The following SERF2 variants were observed in gnomAD, a reference collection of about 807,000 sequenced individuals.
SERF2 encodes the protein small EDRK-rich factor 2.
In SERF2, 4 loss-of-function variants were observed where a neutral mutation model predicts 10.7. The ratio of observed to expected loss-of-function variants is 0.37; its 90% CI spans 0.18 to 0.86. The LOEUF (loss-of-function observed/expected upper bound fraction) is 0.86, where lower values mean the gene tolerates loss of function less well. Among genes scored for constraint, SERF2 ranks in the 40% least tolerant of loss-of-function variants. The pLI is 0.43. For missense variants in SERF2, 47 were observed against 79.1 expected, an observed-to-expected ratio of 0.59 and a Z score of 1.54; for synonymous variants, 26 against 26.0, an observed-to-expected ratio of 1.00 and a Z score of 0.01.
chr15:43,792,444 C>G lies in SERF2; in HGVS notation c.7+61C>G, dbSNP rs1258473292. The G allele has an allele frequency of 4.3e-6, 7 of 1,613,320 alleles. No individual in the cohort carries two copies. The African/African-American group carries it at 8.0e-5, about 18-fold the overall frequency. On this transcript the variant is annotated intron_variant, in intron 1 of 2. Transcript: ENST00000249786. ...TTCCGTTCACCCTAAACACCACCGG[C>G]GAGGCGCCGGCTTTGACCTTCCGTA... is the stretch of plus-strand genomic sequence containing the variant.
At chr15:43,778,670 C>T (rs1459913651) in intron 1 of SERF2, among the ~76,000 whole-genome samples, 2 of 142,600 alleles carry the variant, frequency 1.4e-5, no homozygotes, top group African/African-American at 5.2e-5. Flanking sequence ...GAGGCTGAGG[C>T]AGGTGGATTA....
At chr15:43,777,295 C>A in exon 1 of SERF2, 1 of 387,632 alleles carries the variant, frequency 2.6e-6, no homozygotes, top group Non-Finnish European at 5.2e-6. Context: ...GAAAGCTGAA[C>A]CTGCAACCCC....
At chr15:43,777,316 C>T (rs1358667011) in exon 1 of SERF2, 4 of 352,232 alleles carry the variant, frequency 1.1e-5, no homozygotes, top group African/African-American at 2.1e-5. Flanking sequence ...TTGAGGGTTT[C>T]AGCCGCAGAG....
At chr15:43,777,257 C>G in exon 1 of SERF2, 2 of 457,740 alleles carry the variant, frequency 4.4e-6, no homozygotes, top group South Asian at 1.6e-5. Flanking sequence ...CCCCAGCGAC[C>G]CTGAATTTGG....
intron 1 of SERF2, among the ~76,000 whole-genome samples, chr15:43,779,638 C>A (rs1251982849): frequency 6.6e-6 from 1 of 151,882 alleles, no homozygotes; most frequent in African/African-American, 2.4e-5. Flanking sequence ...ACTACAGGAG[C>A]GTGCCACCAT....
At chr15:43,786,830 G>A (rs76423988) in intron 2 of SERF2, among the ~76,000 whole-genome samples, 219 of 152,234 alleles carry the variant, frequency 1.4e-3, no homozygotes, top group African/African-American at 5.1e-3. Context: ...TGGGCTATGT[G>A]TTTCCTCATT....
At chr15:43,781,656 A>G (rs2086965562) in intron 1 of SERF2, among the ~76,000 whole-genome samples, 2 of 151,112 alleles carry the variant, frequency 1.3e-5, no homozygotes, top group African/African-American at 4.9e-5. Flanking sequence ...CAATGGTACA[A>G]TCCCGGCTCA....
At chr15:43,786,039 G>A (rs1448806354) in intron 2 of SERF2, among the ~76,000 whole-genome samples, 1 of 151,336 alleles carries the variant, frequency 6.6e-6, no homozygotes, top group East Asian at 1.9e-4. Flanking sequence ...GTTTTTTTGG[G>A]GTCTATTTTT....
upstream of SERF2, among the ~76,000 whole-genome samples, chr15:43,789,931 A>G (rs1177808082): frequency 6.6e-6 from 1 of 152,124 alleles, no homozygotes; most frequent in Non-Finnish European, 1.5e-5. Context: ...ACCTGAGGTC[A>G]GGAGTTTGAG....
chr15:43,793,655 T>G (rs1266601100), intron 2 of SERF2, 55 bp from the exon 3 acceptor site: 1 of 1,614,070 alleles, frequency 6.2e-7, no homozygotes, highest in Non-Finnish European at 8.5e-7. Flanking sequence ...TCCCCCTGCA[T>G]CTTGTCCTTT....
At chr15:43,792,922 C>T (rs959048913) in intron 1 of SERF2, 53 bp from the exon 2 acceptor site, 1 of 1,299,564 alleles carries the variant, frequency 7.7e-7, no homozygotes, top group Admixed American at 2.0e-5. Context: ...GAAGGGTCGC[C>T]GGTGTGTGGG....
intron 1 of SERF2, among the ~76,000 whole-genome samples, chr15:43,781,453 G>T (rs1223289726): frequency 6.6e-6 from 1 of 152,030 alleles, no homozygotes; most frequent in Non-Finnish European, 1.5e-5. Flanking sequence ...TCGGGAGGAG[G>T]AGACAGGAGA....
chr15:43,781,173 CA>C (rs1473321227), intron 1 of SERF2, among the ~76,000 whole-genome samples: 1 of 152,066 alleles, frequency 6.6e-6, no homozygotes. Flanking sequence ...ATACACTGGA[CA>C]AAGGAAGGAT....
chr15:43,787,539 G>A (rs1294712425), upstream of SERF2, among the ~76,000 whole-genome samples: 3 of 152,068 alleles, frequency 2.0e-5, no homozygotes, highest in Non-Finnish European at 4.4e-5. Flanking sequence ...CTGGGATTGC[G>A]GGCATGCGCC....
In SERF2 at chr15:43,793,935, AG is replaced by A. The variant is rs1437640598; in HGVS notation, c.*164del. 3 of 1,557,386 alleles carry A rather than the reference AG, an allele frequency of 1.9e-6. No individual in the cohort carries two copies. The Admixed American group carries it at 5.9e-5, about 30-fold the overall frequency. On this transcript the variant is annotated 3_prime_UTR_variant, in exon 3 of 3. Coordinates refer to ENST00000249786, the MANE Select transcript of SERF2 (RefSeq NM_001018108.4). Reference sequence around the variant, plus strand: ...GTCCCTTTTGTGCTTCCTTCCCCTCAGGTAGCCTCTCTCCCCCTGGGCCACT... The same window carrying A: ...GTCCCTTTTGTGCTTCCTTCCCCTCAGTAGCCTCTCTCCCCCTGGGCCACT...
chr15:43,795,344 T>C lies in SERF2; in HGVS notation c.*1571T>C, dbSNP rs2087184164. On this transcript the variant is annotated 3_prime_UTR_variant, in exon 3 of 3. Transcript: ENST00000249786. ...GCCTTGAATTGCTCTTTCCTTAAAA[T>C]AGCTAGCTCTTCAGGAGAGTATCTA... is the stretch of plus-strand genomic sequence containing the variant. 2 of 1,609,600 alleles carry C rather than the reference T, an allele frequency of 1.2e-6. No individual in the cohort carries two copies. The highest frequency in any genetic ancestry group is 1.7e-6 in the Non-Finnish European group (2 of 1,176,150).
At chr15:43,780,364 G>A (rs545296656) in intron 1 of SERF2, among the ~76,000 whole-genome samples, 39 of 151,930 alleles carry the variant, frequency 2.6e-4, no homozygotes, top group African/African-American at 9.2e-4. Flanking sequence ...GGATGGTCTC[G>A]ATCTCCTGAC....
At position 43,794,929 on chromosome 15, in the gene SERF2, G is replaced by T; in HGVS notation, c.*1156G>T. 1 of 1,219,094 alleles carries T rather than the reference G, an allele frequency of 8.2e-7. No individual in the cohort carries two copies. Among genetic ancestry groups the T allele is most frequent in the Non-Finnish European group, 1.2e-6 (1 of 855,764 alleles). The allele number at this position is 1,219,094 out of a possible 1,614,324, so 75.5% of individuals were successfully genotyped here. A position where few individuals can be genotyped will look rare whatever the true frequency, so the allele number is the denominator to read the frequency against. On this transcript the variant is annotated 3_prime_UTR_variant, in exon 3 of 3. Transcript: ENST00000249786. ...CTGTGTGTCCTTGAGGTATTGAGCT[G>T]GGCTGGACAGCTCCCCTTGAGCCAA... is the stretch of plus-strand genomic sequence containing the variant.
rs756675980 is a variant in SERF2, at chr15:43,793,023, G to A, written c.56G>A (p.Ser19Asn). 31 of 1,613,094 alleles carry A rather than the reference G, an allele frequency of 1.9e-5. No individual in the cohort carries two copies. The highest frequency in any genetic ancestry group is 2.5e-5 in the Non-Finnish European group (29 of 1,179,294). Residue 19 changes from serine (S) to asparagine (N), a missense_variant, in exon 2 of 3, where the codon AGC becomes AAC. By Grantham distance (46) the Ser-to-Asn change is conservative (BLOSUM62 1). Transcript: ENST00000249786. Reference protein sequence around the residue: ...LARQKNMKKQSDSVKGKRRDD... With the variant: ...LARQKNMKKQNDSVKGKRRDD... ...CGCCAGAAGAATATGAAAAAGCAGA[G>A]CGACTCGGTTAAGGGAAAGCGCCGA...
Sources: gnomAD v4.1 joint callset for allele counts (sites outside exome capture counted in the v4.1 genomes callset) on GRCh38, gnomAD v4.1.1 for gene constraint, MANE v1.5 for transcripts, NCBI Gene and HGNC (gene_info 2026-07-23, HGNC 2026-07-21) for gene names.